MAP6: variants seen among roughly 807,000 people sequenced by gnomAD.
The protein encoded by MAP6 is microtubule associated protein 6.
In MAP6, 26 loss-of-function variants were observed where a neutral mutation model predicts 42.4. The observed-to-expected ratio is 0.61, with a 90% confidence interval of 0.45 to 0.85. The LOEUF (loss-of-function observed/expected upper bound fraction) is 0.85. Among genes scored for constraint, MAP6 ranks in the 40% least tolerant of loss-of-function variants. MAP6 has a pLI of 0.00. For synonymous variants in MAP6, 418 were observed against 443.8 expected (o/e 0.94, Z 0.73); for missense variants, 966 against 1,099.0 (o/e 0.88, Z 1.71).
intron 1 of MAP6, among the ~76,000 whole-genome samples, chr11:75,631,320 A>G (rs916965519): frequency 1.3e-5 from 2 of 152,236 alleles, no homozygotes; most frequent in African/African-American, 4.8e-5. Flanking sequence ...TCAGTTGTGT[A>G]ACTTCAAGAA....
At position 75,587,739 on chromosome 11, in the gene MAP6, C is replaced by T; in HGVS notation, c.1762G>A (p.Val588Ile). ...PAPVKDEGPM[V>I]SASVKDQGPM... ...CCTTGATCCTTGACAGATGCTGAGA[C>T]CATGGGACCTTCATCCTTGACAGGT... Residue 588 changes from valine (V) to isoleucine (I), a missense_variant, in exon 4 of 4, where the codon GTC (valine) becomes ATC (isoleucine). Val to Ile is a conservative substitution (Grantham distance 29, BLOSUM62 3). Transcript: ENST00000304771. 1.9e-6 allele frequency: 3 copies of T among 1,609,136 alleles called. No homozygotes were observed. Among genetic ancestry groups the T allele is most frequent in the Non-Finnish European group, 2.5e-6 (3 of 1,177,156 alleles).
At chr11:75,624,954 G>A (rs1943172062) in intron 1 of MAP6, among the ~76,000 whole-genome samples, 1 of 152,192 alleles carries the variant, frequency 6.6e-6, no homozygotes, top group Non-Finnish European at 1.5e-5. Flanking sequence ...ACAAAAAGAT[G>A]TGAACTGGCC....
At chr11:75,638,035 T>G (rs1426247789) in intron 1 of MAP6, among the ~76,000 whole-genome samples, 1 of 152,194 alleles carries the variant, frequency 6.6e-6, no homozygotes, top group African/African-American at 2.4e-5. Context: ...TTAAATAAGA[T>G]GTGCTACATC....
chr11:75,605,769 A>T, intron 3 of MAP6, 39 bp downstream of exon 3: 1 of 1,596,100 alleles, frequency 6.3e-7, no homozygotes, highest in Non-Finnish European at 8.5e-7. Flanking sequence ...GGGGAGGGAG[A>T]GAGAGAGAAG....
At position 75,643,220 on chromosome 11, in the gene MAP6, A is replaced by T. The variant is rs77683591; in HGVS notation, c.905+24245T>A. On this transcript the variant is annotated intron_variant, in intron 1 of 3. Transcript: ENST00000304771. ...AAATTTATTATTATGTATGTGTTTT[A>T]TATATATATATATAAATATATAAAT... Among the ~76,000 whole-genome samples, 1,364 of 149,334 alleles carry T rather than the reference A, an allele frequency of 9.1e-3. 22 individuals carry two copies. The highest frequency in any genetic ancestry group is 0.032 in the African/African-American group (1,295 of 40,992).
At chr11:75,610,074 G>A (rs1472684483) in intron 1 of MAP6, among the ~76,000 whole-genome samples, 4 of 152,036 alleles carry the variant, frequency 2.6e-5, no homozygotes, top group Admixed American at 6.5e-5. Flanking sequence ...TGGCCCCCTC[G>A]CCATGTGACA....
chr11:75,638,154 C>T (rs1012791063), intron 1 of MAP6, among the ~76,000 whole-genome samples: 1 of 151,832 alleles, frequency 6.6e-6, no homozygotes, highest in East Asian at 1.9e-4. Context: ...TGGATCTGCC[C>T]AGTGCTCTCC....
At chr11:75,661,319 A>G (rs1198567295) in intron 1 of MAP6, among the ~76,000 whole-genome samples, 1 of 152,084 alleles carries the variant, frequency 6.6e-6, no homozygotes, top group Non-Finnish European at 1.5e-5. Context: ...AAATAACTAA[A>G]AAGGAGGGGA....
At chr11:75,625,077 G>A (rs182176395) in intron 1 of MAP6, among the ~76,000 whole-genome samples, 6 of 152,298 alleles carry the variant, frequency 3.9e-5, no homozygotes, top group African/African-American at 9.6e-5. Flanking sequence ...GGGCCTCGCC[G>A]AGGAATCTCA....
chr11:75,627,373 G>T (rs1053936517), intron 1 of MAP6, among the ~76,000 whole-genome samples: 2 of 152,182 alleles, frequency 1.3e-5, no homozygotes, highest in African/African-American at 4.8e-5. Flanking sequence ...GTTAGTAAGG[G>T]GCACCAGAGT....
At chr11:75,640,428 G>C (rs999302488) in intron 1 of MAP6, among the ~76,000 whole-genome samples, 2 of 152,186 alleles carry the variant, frequency 1.3e-5, no homozygotes, top group African/African-American at 4.8e-5. Context: ...TCATTTTTCT[G>C]ACCCAATTCA....
intron 3 of MAP6, chr11:75,596,059 T>C (rs1458977876): frequency 1.3e-5 from 2 of 152,236 alleles, no homozygotes; most frequent in Non-Finnish European, 2.9e-5. Flanking sequence ...GAAAATGTTT[T>C]CCTATTTTTA....
chr11:75,587,997 A>T lies in MAP6; in HGVS notation c.1504T>A (p.Leu502Ile). ...PPKDLGPMIP[L>I]PVKDQDHTVP... ...GTGTGATCTTGATCCTTGACTGGTAATGGGATCATGGGACCTAGATCCTTT... is the reference window on the plus strand; with the variant it reads ...GTGTGATCTTGATCCTTGACTGGTATTGGGATCATGGGACCTAGATCCTTT... Residue 502 changes from leucine (L) to isoleucine (I), a missense_variant, in exon 4 of 4, where the codon TTA (leucine) becomes ATA (isoleucine). This residue lies in a region of MAP6 where 943 missense variants were observed against 1,049.9 expected (regional missense o/e 0.90). Coordinates refer to ENST00000304771, the MANE Select transcript of MAP6 (RefSeq NM_033063.2). The T allele has an allele frequency of 6.2e-7, 1 of 1,613,950 alleles. No homozygotes were observed. The highest frequency in any genetic ancestry group is 8.5e-7 in the Non-Finnish European group (1 of 1,179,974).
intron 1 of MAP6, among the ~76,000 whole-genome samples, chr11:75,664,695 A>G (rs1446499285): frequency 1.3e-5 from 2 of 152,372 alleles, no homozygotes; most frequent in East Asian, 3.9e-4. Flanking sequence ...ACTTAAATTC[A>G]GAAGATATCC....
chr11:75,607,503 G>A (rs1942801767), intron 2 of MAP6: 6 of 985,438 alleles, frequency 6.1e-6, no homozygotes, highest in Non-Finnish European at 7.2e-6. Context: ...GAAAATCCTT[G>A]AGTCCACTTT....
intron 3 of MAP6, among the ~76,000 whole-genome samples, chr11:75,591,709 C>T (rs189575554): frequency 2.0e-5 from 3 of 152,340 alleles, no homozygotes; most frequent in African/African-American, 4.8e-5. Context: ...CTGTGCACCC[C>T]GAAAGCACTA....
chr11:75,640,101 G>A (rs1177525941), intron 1 of MAP6, among the ~76,000 whole-genome samples: 1 of 152,134 alleles, frequency 6.6e-6, no homozygotes, highest in Non-Finnish European at 1.5e-5. Context: ...TAGAGCAGAT[G>A]GTTGTCAGCA....
chr11:75,601,290 C>T (rs1041444762), intron 3 of MAP6, among the ~76,000 whole-genome samples: 2 of 152,218 alleles, frequency 1.3e-5, no homozygotes, highest in Non-Finnish European at 2.9e-5. Flanking sequence ...TACCTCTCTA[C>T]TTCTCGCCTG....
rs769132084 is a variant in MAP6 at position 75,667,931 on chromosome 11, C to G, written c.439G>C (p.Asp147His). 2.9e-6 allele frequency: 4 copies of G among 1,384,926 alleles called. No individual in the cohort carries two copies. The highest frequency in any genetic ancestry group is 3.0e-5 in the East Asian group (1 of 33,134). 85.8% of individuals were successfully genotyped at this position (1,384,926 alleles called of 1,614,324 possible). A position where few individuals can be genotyped will look rare whatever the true frequency, so the allele number is the denominator to read the frequency against. Residue 147 changes from aspartate (D) to histidine (H), a missense_variant, in exon 1 of 4, where the codon GAC (aspartate) becomes CAC (histidine). Transcript: ENST00000304771. The surrounding 1 kb of genome is among the most constrained non-coding windows in gnomAD (Gnocchi z 5.6). ...CRPRSEYQPS[D>H]APFERETQYQ... is the part of the protein sequence containing the mutation. ...TGGGTCTCGCGCTCGAAGGGAGCGT[C>G]GGAGGGCTGGTATTCGCTGCGCGGC...
Sources: gnomAD v4.1 joint callset for allele counts (sites outside exome capture counted in the v4.1 genomes callset) on GRCh38, gnomAD v4.1.1 for gene constraint, gnomAD v4.1.1 regional missense constraint, Gnocchi (gnomAD v3.1) non-coding constraint, MANE v1.5 for transcripts, NCBI Gene and HGNC (gene_info 2026-07-23, HGNC 2026-07-21) for gene names.